The following CTIF variants were observed in gnomAD, a reference collection of about 807,000 sequenced individuals.
The protein encoded by CTIF is CBP80/20-dependent translation initiation factor.
A neutral mutation model predicts 66.0 loss-of-function variants in CTIF; 21 were observed. That is an observed-to-expected ratio of 0.32 (90% CI 0.23 to 0.46). CTIF has a LOEUF of 0.46. CTIF is among the 20% of genes least tolerant of loss of function. CTIF has a pLI of 1.00. For synonymous variants in CTIF, 345 were observed against 326.4 expected (o/e 1.06, Z -0.62); for missense variants, 739 against 812.7 (o/e 0.91, Z 1.10).
chr18:48,812,308 G>T (rs1459472663), intron 9 of CTIF, among the ~76,000 whole-genome samples: 1 of 152,168 alleles, frequency 6.6e-6, no homozygotes, highest in Non-Finnish European at 1.5e-5. Context: ...AATTTTTTAA[G>T]ATAAACATGT....
intron 7 of CTIF, among the ~76,000 whole-genome samples, chr18:48,745,200 G>A (rs2092586415): frequency 6.6e-6 from 1 of 152,130 alleles, no homozygotes. Flanking sequence ...TTTTGTAGAA[G>A]GTCCCTCAGC....
At chr18:48,742,735 G>C (rs934349267) in intron 7 of CTIF, among the ~76,000 whole-genome samples, 1 of 152,338 alleles carries the variant, frequency 6.6e-6, no homozygotes, top group South Asian at 2.1e-4. Flanking sequence ...CCTTGCCCAG[G>C]GGCCCATGCT....
intron 9 of CTIF, among the ~76,000 whole-genome samples, chr18:48,770,660 CT>C (rs1462290774): frequency 6.6e-6 from 1 of 152,250 alleles, no homozygotes; most frequent in Admixed American, 6.5e-5. Flanking sequence ...TCTCATTTCT[CT>C]AGACAGGATT....
intron 10 of CTIF, among the ~76,000 whole-genome samples, chr18:48,837,410 G>C (rs1032575996): frequency 2.3e-4 from 35 of 152,032 alleles, no homozygotes; most frequent in Non-Finnish European, 1.5e-4. Context: ...CAAATTCTCA[G>C]TGCTGCAGGA....
intron 6 of CTIF, among the ~76,000 whole-genome samples, chr18:48,706,398 A>G (rs7504233): frequency 0.28 from 42,453 of 151,746 alleles, 6,810 homozygotes; most frequent in African/African-American, 0.44. Context: ...GAGGTGTGTC[A>G]CTCCTATCAC....
intron 9 of CTIF, among the ~76,000 whole-genome samples, chr18:48,772,328 C>G (rs915973222): frequency 1.3e-5 from 2 of 152,178 alleles, no homozygotes; most frequent in East Asian, 3.9e-4. Flanking sequence ...TAAAATATAC[C>G]ATAAAATTCA....
chr18:48,612,859 G>A (rs1005574541), intron 1 of CTIF, among the ~76,000 whole-genome samples: 2 of 152,150 alleles, frequency 1.3e-5, no homozygotes, highest in South Asian at 2.1e-4. Context: ...GCAGCCACAA[G>A]CCAAAAGATG....
intron 10 of CTIF, among the ~76,000 whole-genome samples, chr18:48,828,537 GGA>G (rs2068628095): frequency 6.6e-6 from 1 of 152,070 alleles, no homozygotes; most frequent in Non-Finnish European, 1.5e-5. Flanking sequence ...TCCTAATTAG[GGA>G]GAGAGAATGA....
At chr18:48,837,873 A>G (rs2068848191) in intron 10 of CTIF, among the ~76,000 whole-genome samples, 1 of 152,134 alleles carries the variant, frequency 6.6e-6, no homozygotes, top group African/African-American at 2.4e-5. Context: ...GCCCTGGGCA[A>G]CTGGGTGACT....
intron 9 of CTIF, among the ~76,000 whole-genome samples, chr18:48,784,142 A>G (rs1911498715): frequency 6.6e-6 from 1 of 152,242 alleles, no homozygotes; most frequent in Non-Finnish European, 1.5e-5. Flanking sequence ...GAATGCAGAC[A>G]GTACCCAGTA....
intron 1 of CTIF, among the ~76,000 whole-genome samples, chr18:48,584,765 G>A (rs567713724): frequency 1.9e-4 from 29 of 152,188 alleles, no homozygotes; most frequent in South Asian, 1.7e-3. Flanking sequence ...CAGGAACCTG[G>A]CTCTGTGCCA....
In CTIF at chr18:48,798,059, A is replaced by G. The variant is rs114539343; in HGVS notation, c.1372-19162A>G. Among the ~76,000 whole-genome samples, 1,043 of 152,298 alleles carry G rather than the reference A, an allele frequency of 6.8e-3. 10 individuals are homozygous for G. The highest frequency in any genetic ancestry group is 0.023 in the African/African-American group (956 of 41,562). On this transcript the variant is annotated intron_variant, in intron 9 of 11. Transcript: ENST00000256413. ...GGCAGAGCCAGCGCCACCAGGGGCA[A>G]GCAGACGGGTGAGGAGGTGCCAGAC...
intron 1 of CTIF, among the ~76,000 whole-genome samples, chr18:48,610,689 C>T (rs1399337213): frequency 6.6e-6 from 1 of 152,252 alleles, no homozygotes; most frequent in East Asian, 1.9e-4. Context: ...TCTCCCTTGC[C>T]TTCCGGCCAG....
At chr18:48,854,548 A>C (rs1254861467) in intron 10 of CTIF, among the ~76,000 whole-genome samples, 1 of 152,096 alleles carries the variant, frequency 6.6e-6, no homozygotes, top group Non-Finnish European at 1.5e-5. Context: ...CTGCTGCCCT[A>C]GGCCACACTG....
chr18:48,590,531 G>C (rs145914291), intron 1 of CTIF, among the ~76,000 whole-genome samples: 63 of 152,336 alleles, frequency 4.1e-4, no homozygotes, highest in Non-Finnish European at 8.4e-4. Context: ...GGCCCAGGGC[G>C]GTGACTTGCC....
At chr18:48,611,447 G>A (rs548000133) in intron 1 of CTIF, among the ~76,000 whole-genome samples, 1 of 152,262 alleles carries the variant, frequency 6.6e-6, no homozygotes, top group South Asian at 2.1e-4. Context: ...TAGCTGACCA[G>A]CTGGCCAGAA....
chr18:48,808,792 A>AT (rs756807555), intron 9 of CTIF, among the ~76,000 whole-genome samples: 2 of 152,210 alleles, frequency 1.3e-5, no homozygotes, highest in Non-Finnish European at 2.9e-5. Flanking sequence ...ATAAAGCTTT[A>AT]TTAAGGATAA....
At chr18:48,678,281 G>T (rs2091671279) in intron 6 of CTIF, among the ~76,000 whole-genome samples, 1 of 152,172 alleles carries the variant, frequency 6.6e-6, no homozygotes, top group South Asian at 2.1e-4. Flanking sequence ...CTTTGAAAGA[G>T]AAATATTTTT....
At chr18:48,765,911 C>T (rs1231875596) in intron 9 of CTIF, among the ~76,000 whole-genome samples, 1 of 143,748 alleles carries the variant, frequency 7.0e-6, no homozygotes, top group Non-Finnish European at 1.5e-5. Context: ...ACAGACATTT[C>T]TTTTTTTTTT....
Sources: gnomAD v4.1 joint callset for allele counts (sites outside exome capture counted in the v4.1 genomes callset) on GRCh38, gnomAD v4.1.1 for gene constraint, MANE v1.5 for transcripts, NCBI Gene and HGNC (gene_info 2026-07-23, HGNC 2026-07-21) for gene names.